The following DHRS7 variants were observed in gnomAD, a reference collection of about 807,000 sequenced individuals.
The protein encoded by DHRS7 is dehydrogenase/reductase 7.
Under a neutral mutation model 38.9 loss-of-function variants are expected in DHRS7, and 34 were observed. That is an observed-to-expected ratio of 0.87 (90% CI 0.66 to 1.16). The LOEUF is 1.16. Ranked by LOEUF, DHRS7 falls within the 50% of genes most tolerant of loss-of-function variation. The probability of loss-of-function intolerance (pLI) is 0.00; values close to 1 mark genes in which losing one functional copy is unlikely to be tolerated. For missense variants in DHRS7, 421 were observed against 407.0 expected, an observed-to-expected ratio of 1.03 and a Z score of -0.30; for synonymous variants, 158 against 153.1, an observed-to-expected ratio of 1.03 and a Z score of -0.24.
At position 60,150,170 on chromosome 14, in the gene DHRS7, A is replaced by T; in HGVS notation, c.651T>A (p.Leu217=). Residue 217 remains leucine, a synonymous_variant, in exon 5 of 7, where the codon CTT becomes CTA. Coordinates refer to ENST00000557185, the MANE Select transcript of DHRS7 (RefSeq NM_016029.4). ...CTGGGTATGTGGCAAGTTCTGTTCG[A>T]AGGCCATTAAAAAAACCCTAACAGA... ...KHALRGFFNG[L]RTELATYPGI... The T allele has an allele frequency of 6.6e-7, 1 of 1,520,470 alleles. No homozygotes were observed. Among genetic ancestry groups the T allele is most frequent in the Non-Finnish European group, 8.8e-7 (1 of 1,139,518 alleles). 94.2% of individuals were successfully genotyped at this position (1,520,470 alleles called of 1,614,324 possible).
chr14:60,144,813 ATTTT>A lies in DHRS7; in HGVS notation c.*149_*152del, dbSNP rs767069895. The A allele has an allele frequency of 3.0e-6, 2 of 669,104 alleles. No individual in the cohort carries two copies. Among genetic ancestry groups the A allele is most frequent in the Non-Finnish European group, 5.2e-6 (2 of 383,270 alleles). 41.4% of individuals were successfully genotyped at this position (669,104 alleles called of 1,614,324 possible). The stretch of plus-strand genomic sequence containing the variant: ...GATTCATGGCAATCTTTTATTATTT[ATTTT>A]TTATTTCATTCCATGTTGGAAGCAA... On this transcript the variant is annotated 3_prime_UTR_variant, in exon 7 of 7. Coordinates refer to ENST00000557185, the MANE Select transcript of DHRS7 (RefSeq NM_016029.4).
upstream of DHRS7, among the ~76,000 whole-genome samples, chr14:60,168,196 A>C (rs1896890316): frequency 1.3e-5 from 2 of 152,216 alleles, no homozygotes; most frequent in Non-Finnish European, 2.9e-5. Flanking sequence ...TGTTCACCAC[A>C]TGCAGTTCCC....
intron 4 of DHRS7, chr14:60,152,681 C>T: frequency 2.1e-6 from 1 of 482,478 alleles, no homozygotes; most frequent in Non-Finnish European, 3.7e-6. Context: ...ATCTTATTAT[C>T]TTTATATCCC....
chr14:60,164,054 A>G (rs1454081097), intron 1 of DHRS7, among the ~76,000 whole-genome samples: 4 of 152,100 alleles, frequency 2.6e-5, no homozygotes, highest in African/African-American at 7.2e-5. Context: ...TTTTTCGTGA[A>G]CTCAATGTCA....
chr14:60,154,436 A>G (rs1263530493), intron 2 of DHRS7, among the ~76,000 whole-genome samples: 1 of 152,064 alleles, frequency 6.6e-6, no homozygotes. Context: ...TACACACAAA[A>G]CAACTACTTG....
At chr14:60,159,281 A>T in intron 1 of DHRS7, 1 of 429,414 alleles carries the variant, frequency 2.3e-6, no homozygotes, top group Non-Finnish European at 4.3e-6. Context: ...ATTTCATGTC[A>T]GCTTCTAGTG....
At chr14:60,149,955 T>C in intron 5 of DHRS7, 110 bp downstream of exon 5, 3 of 1,133,310 alleles carry the variant, frequency 2.6e-6, no homozygotes, top group Non-Finnish European at 3.7e-6. Context: ...ATAATTCACA[T>C]AAAAGCACTT....
At position 60,155,957 on chromosome 14, in the gene DHRS7, A is replaced by C. The variant is rs370827349; in HGVS notation, c.286+43T>G. ...CAAAACTGTATTTGAGTTTGGACTG[A>C]TTTATTTCTAGGAAGCACCGCTGCT... On this transcript the variant is annotated intron_variant, in intron 2 of 6. Transcript: ENST00000557185. 8.2e-6 allele frequency: 12 copies of C among 1,457,056 alleles called. No individual in the cohort carries two copies. In the African/African-American group the frequency reaches 1.7e-4, roughly 21 times the overall value. The allele number at this position is 1,457,056 out of a possible 1,614,324, so 90.3% of individuals were successfully genotyped here.
intron 1 of DHRS7, chr14:60,159,000 C>T (rs1235703050): frequency 7.7e-6 from 3 of 387,800 alleles, no homozygotes; most frequent in Non-Finnish European, 1.5e-5. Context: ...CTGAGGCATC[C>T]TCCCCATCCC....
chr14:60,156,468 C>T (rs1896663146), intron 1 of DHRS7, among the ~76,000 whole-genome samples: 1 of 152,102 alleles, frequency 6.6e-6, no homozygotes, highest in African/African-American at 2.4e-5. Flanking sequence ...CTATTTAACA[C>T]AAACAGGTAA....
At position 60,165,120 on chromosome 14, in the gene DHRS7, G is replaced by A. The variant is rs1437827180; in HGVS notation, c.133+57C>T. ...GCAGAACCCCCGGAGACCCGGACAC[G>A]CCTCGGCAGCTCCGAGCCCGGCCTC... On this transcript the variant is annotated intron_variant, in intron 1 of 6. Coordinates refer to ENST00000557185, the MANE Select transcript of DHRS7 (RefSeq NM_016029.4). This position sits in a 1 kb window ranked among gnomAD's most constrained non-coding sequence, Gnocchi z 4.6. 3.1e-6 allele frequency: 5 copies of A among 1,596,730 alleles called. No individual in the cohort carries two copies. Among genetic ancestry groups the A allele is most frequent in the East Asian group, 4.5e-5 (2 of 44,278 alleles).
chr14:60,156,899 A>G, intron 1 of DHRS7, among the ~76,000 whole-genome samples: 1 of 152,238 alleles, frequency 6.6e-6, no homozygotes, highest in African/African-American at 2.4e-5. Context: ...CAAATGTTAC[A>G]GTACTAAAGC....
Position 60,144,993 on chromosome 14 carries a change from A to G in DHRS7, c.993T>C (p.Phe331=). The stretch of plus-strand genomic sequence containing the variant: ...AGTCATGTTTTGTCTTAAAGATTTT[A>G]AAATAAGAAGAGTCTGCATCCTGTA... ...KSGVDADSSY[F]KIFKTKHD is the part of the protein sequence containing the mutation. Residue 331 remains phenylalanine (F), a synonymous_variant, in exon 7 of 7, where the codon TTT becomes TTC. Coordinates refer to ENST00000557185, the MANE Select transcript of DHRS7 (RefSeq NM_016029.4). 1 of 1,602,418 alleles carries G rather than the reference A, an allele frequency of 6.2e-7. No individual in the cohort carries two copies. Among genetic ancestry groups the G allele is most frequent in the Non-Finnish European group, 8.5e-7 (1 of 1,176,860 alleles).
chr14:60,146,490 T>C lies in DHRS7; in HGVS notation c.973-1477A>G, dbSNP rs1404373701. 1.3e-5 allele frequency: 2 copies of C among 152,050 alleles called. No homozygotes were observed. The highest frequency in any genetic ancestry group is 2.9e-5 in the Non-Finnish European group (2 of 67,996). The allele number at this position is 152,050 out of a possible 1,614,324, so 9.4% of individuals were successfully genotyped here. A position where few individuals can be genotyped will look rare whatever the true frequency, so the allele number is the denominator to read the frequency against. ...GAAAATACGGAAATTCCTCAAAAAA[T>C]TAAAAATAGAATTACCATCTGATCC... On this transcript the variant is annotated intron_variant, in intron 6 of 6. Transcript: ENST00000557185. The surrounding 1 kb of genome is among the most constrained non-coding windows in gnomAD (Gnocchi z 4.9).
rs1264918060 is a variant in DHRS7 at position 60,153,345 on chromosome 14, CT to C, written c.394-168del. ...AGATAAAATAAAGCCCTGAATTTACCTGTGGAATTAAATTCCCGTTTTAGGT... is the reference window on the plus strand; with the variant it reads ...AGATAAAATAAAGCCCTGAATTTACCGTGGAATTAAATTCCCGTTTTAGGT... On this transcript the variant is annotated intron_variant, in intron 3 of 6. Transcript: ENST00000557185. This position sits in a 1 kb window ranked among gnomAD's most constrained non-coding sequence, Gnocchi z 4.4. 6.6e-6 allele frequency among the ~76,000 whole-genome samples: 1 copy of C among 152,098 alleles called. No homozygotes were observed. The highest frequency in any genetic ancestry group is 1.5e-5 in the Non-Finnish European group (1 of 68,014).
chr14:60,156,577 T>C (rs932626578), intron 1 of DHRS7, among the ~76,000 whole-genome samples: 2 of 152,258 alleles, frequency 1.3e-5, no homozygotes, highest in South Asian at 4.1e-4. Flanking sequence ...TCAGATTAGA[T>C]GATGGCTGAA....
chr14:60,145,668 CT>C lies in DHRS7; in HGVS notation c.973-656del, dbSNP rs2140582953. ...CAGCCTGGCCAACAAGAGGGAAACTCTGTCTCAAAAAAAATAAAAAGAAAAA... is the reference window on the plus strand; with the variant it reads ...CAGCCTGGCCAACAAGAGGGAAACTCGTCTCAAAAAAAATAAAAAGAAAAA... On this transcript the variant is annotated intron_variant, in intron 6 of 6. Transcript: ENST00000557185. This position sits in a 1 kb window ranked among gnomAD's most constrained non-coding sequence, Gnocchi z 4.0. The C allele has an allele frequency of 1.3e-5, 2 of 151,872 alleles. No individual in the cohort carries two copies. The highest frequency in any genetic ancestry group is 2.9e-5 in the Non-Finnish European group (2 of 67,968). The allele number at this position is 151,872 out of a possible 1,614,324, so 9.4% of individuals were successfully genotyped here. A position where few individuals can be genotyped will look rare whatever the true frequency, so the allele number is the denominator to read the frequency against.
chr14:60,157,231 A>G (rs1896677478), intron 1 of DHRS7, among the ~76,000 whole-genome samples: 2 of 152,238 alleles, frequency 1.3e-5, no homozygotes, highest in African/African-American at 4.8e-5. Context: ...CAGCACTGAA[A>G]TGCTCCCAGG....
chr14:60,157,805 T>G (rs1298193875), intron 1 of DHRS7, among the ~76,000 whole-genome samples: 1 of 151,658 alleles, frequency 6.6e-6, no homozygotes, highest in Non-Finnish European at 1.5e-5. Flanking sequence ...CCCAGGTATA[T>G]CTAGCTCCAA....
Sources: allele counts gnomAD v4.1 joint callset (sites outside exome capture counted in the v4.1 genomes callset), GRCh38; gene constraint gnomAD v4.1.1; non-coding constraint Gnocchi (gnomAD v3.1); transcripts MANE v1.5; gene names NCBI Gene and HGNC (gene_info 2026-07-23, HGNC 2026-07-21).